JAKMIP1: variants seen among roughly 807,000 people sequenced by gnomAD.
The protein encoded by JAKMIP1 is janus kinase and microtubule-interacting protein 1.
Under a neutral mutation model 113.0 loss-of-function variants are expected in JAKMIP1, and 33 were observed. The ratio of observed to expected loss-of-function variants is 0.29; its 90% CI spans 0.22 to 0.39. JAKMIP1 has a LOEUF of 0.39. Among genes scored for constraint, JAKMIP1 ranks in the 10% least tolerant of loss-of-function variants. The probability of loss-of-function intolerance (pLI) is 1.00; values close to 1 mark genes in which losing one functional copy is unlikely to be tolerated. For synonymous variants in JAKMIP1, 480 were observed against 459.9 expected (o/e 1.04, Z -0.56); for missense variants, 813 against 1,080.5 (o/e 0.75, Z 3.47).
intron 1 of JAKMIP1, among the ~76,000 whole-genome samples, chr4:6,160,890 A>G (rs1254228225): frequency 8.8e-6 from 1 of 113,138 alleles, no homozygotes; most frequent in Admixed American, 8.6e-5. Flanking sequence ...CCACTCGCCT[A>G]CCCTGACCTC....
At position 6,047,137 on chromosome 4, in the gene JAKMIP1, T is replaced by C. The variant is rs573444857; in HGVS notation, c.2028+1720A>G. Among the ~76,000 whole-genome samples the C allele has an allele frequency of 3.7e-4, 56 of 152,286 alleles. No homozygotes were observed. The South Asian group carries it at 0.01, about 28-fold the overall frequency. ...CTCAGTGTCATGGCTGAGAGAGATG[T>C]GGTGAGAAACCGGCTGAAACCCCTG... On this transcript the variant is annotated intron_variant, in intron 16 of 20. Transcript: ENST00000409021.
intron 1 of JAKMIP1, among the ~76,000 whole-genome samples, chr4:6,148,115 G>C (rs1721079993): frequency 1.3e-5 from 2 of 152,190 alleles, no homozygotes; most frequent in African/African-American, 4.8e-5. Context: ...AATTAGGCCT[G>C]ATCTCCACTG....
rs1431206985 is a variant in JAKMIP1, at chr4:6,042,063, A to C, written c.2097+96T>G. On this transcript the variant is annotated intron_variant, in intron 17 of 20. Transcript: ENST00000409021. This position sits in a 1 kb window ranked among gnomAD's most constrained non-coding sequence, Gnocchi z 5.2. ...AAAGCAAAATTGAGAAATGCATGCA[A>C]ATCATTAGGAAAACACATGCAAAGC... The C allele has an allele frequency of 5.0e-6, 5 of 1,005,146 alleles. No homozygotes were observed. The highest frequency in any genetic ancestry group is 2.4e-5 in the East Asian group (1 of 41,560). 62.3% of individuals were successfully genotyped at this position (1,005,146 alleles called of 1,614,324 possible).
In JAKMIP1 at chr4:6,042,210, C is replaced by A. The variant is rs972104310; in HGVS notation, c.2046G>T (p.Glu682Asp). Residue 682 changes from glutamate (E) to aspartate (D), a missense_variant, in exon 17 of 21, where the codon GAG becomes GAT. Physicochemically the swap from Glu to Asp is conservative, Grantham distance 45. Transcript: ENST00000409021. This position sits in a 1 kb window ranked among gnomAD's most constrained non-coding sequence, Gnocchi z 5.2. Reference sequence around the variant, plus strand: ...TCTGGGTCAGGGCGGCCTCGGTCCCCTCTATTTGCTTCAGCCACTAGAAAA... The same window carrying A: ...TCTGGGTCAGGGCGGCCTCGGTCCCATCTATTTGCTTCAGCCACTAGAAAA... The part of the protein sequence containing the change: ...ALCEKWLKQI[E>D]GTEAALTQKM... The A allele has an allele frequency of 3.7e-6, 6 of 1,613,882 alleles. 1 individual carries two copies. The highest frequency in any genetic ancestry group is 1.6e-4 in the Middle Eastern group (1 of 6,062).
rs180958124 is a variant in JAKMIP1, at chr4:6,050,877, A to G, written c.1807-198T>C. On this transcript the variant is annotated intron_variant, in intron 13 of 20. Transcript: ENST00000409021. The surrounding 1 kb of genome is among the most constrained non-coding windows in gnomAD (Gnocchi z 7.4). ...TCCCACGCAGCAGTTCTCCATGGAA[A>G]TGTGTTTACTTCTTCCCTATTCATC... Among the ~76,000 whole-genome samples, 21 of 152,320 alleles carry G rather than the reference A, an allele frequency of 1.4e-4. No homozygotes were observed. In the East Asian group the frequency reaches 4.1e-3, roughly 29 times the overall value.
intron 1 of JAKMIP1, among the ~76,000 whole-genome samples, chr4:6,165,726 T>G (rs1176318783): frequency 4.6e-5 from 7 of 152,228 alleles, no homozygotes. Context: ...AAAATTCATG[T>G]GACTCGCTTT....
At chr4:6,114,788 G>A (rs1715495011) in intron 1 of JAKMIP1, among the ~76,000 whole-genome samples, 1 of 152,220 alleles carries the variant, frequency 6.6e-6, no homozygotes, top group Non-Finnish European at 1.5e-5. Context: ...CACCTCGGCT[G>A]ACCTGCCGCT....
At chr4:6,046,582 G>A (rs559749475) in intron 16 of JAKMIP1, among the ~76,000 whole-genome samples, 9 of 151,984 alleles carry the variant, frequency 5.9e-5, no homozygotes, top group Admixed American at 1.3e-4. Context: ...GCAGGCGGGC[G>A]GCAGTGGGGG....
intron 1 of JAKMIP1, among the ~76,000 whole-genome samples, chr4:6,133,944 C>T (rs1001140575): frequency 2.6e-5 from 4 of 152,188 alleles, no homozygotes; most frequent in African/African-American, 9.7e-5. Flanking sequence ...ATCCCTGAAT[C>T]ACCCACTGGA....
intron 18 of JAKMIP1, 95 bp from the exon 19 acceptor site, chr4:6,036,202 G>A: frequency 9.9e-7 from 1 of 1,012,490 alleles, no homozygotes; most frequent in East Asian, 2.6e-5. Context: ...AGCCAGGGAG[G>A]GGGGTTTCGG....
At chr4:6,127,856 G>GC (rs1717930889) in intron 1 of JAKMIP1, among the ~76,000 whole-genome samples, 1 of 152,162 alleles carries the variant, frequency 6.6e-6, no homozygotes, top group African/African-American at 2.4e-5. Context: ...AAAAACTGAC[G>GC]CCCGTCTAAC....
intron 19 of JAKMIP1, among the ~76,000 whole-genome samples, chr4:6,029,992 G>A (rs1161436054): frequency 2.0e-5 from 3 of 152,076 alleles, no homozygotes; most frequent in Admixed American, 6.5e-5. Flanking sequence ...TTGGTCCCCC[G>A]GCTCAATTCC....
chr4:6,193,559 C>T lies in JAKMIP1; in HGVS notation c.-148+6694G>A, dbSNP rs769884462. 5.3e-5 allele frequency among the ~76,000 whole-genome samples: 8 copies of T among 152,160 alleles called. No homozygotes were observed. Among genetic ancestry groups the T allele is most frequent in the Admixed American group, 2.0e-4 (3 of 15,274 alleles). On this transcript the variant is annotated intron_variant, in intron 1 of 20. Transcript: ENST00000409021. This position sits in a 1 kb window ranked among gnomAD's most constrained non-coding sequence, Gnocchi z 6.4. ...CAAGAATCCAGCATGTTTCTGCAAC[C>T]GAAAGAAAGGCAGCCAGGGCTCCCT...
rs1191358910 is a variant in JAKMIP1 at position 6,102,722 on chromosome 4, C to CTTTTTTTT, written c.624+2743_624+2750dup. Among the ~76,000 whole-genome samples the CTTTTTTTT allele has an allele frequency of 3.3e-3, 166 of 50,844 alleles. 29 individuals are homozygous for CTTTTTTTT. Among genetic ancestry groups the CTTTTTTTT allele is most frequent in the African/African-American group, 9.7e-3 (114 of 11,694 alleles). The allele number at this position is 50,844 out of a possible 152,430, so 33.4% of individuals were successfully genotyped here. The stretch of plus-strand genomic sequence containing the variant: ...TCCCTTTTTTCTCCCTCTCTAAAGA[C>CTTTTTTTT]TTTTTTTTTTTTTTTTTTTTTTTTT... On this transcript the variant is annotated intron_variant, in intron 3 of 20. Coordinates refer to ENST00000409021, the MANE Select transcript of JAKMIP1 (RefSeq NM_001099433.2).
chr4:6,085,406 C>T lies in JAKMIP1; in HGVS notation c.834+14G>A, dbSNP rs781141960. ...GGGACCAGCCTGAGGCTGGCACAAGCTGCTGCCCCTCACCTGGACGCCCAT... is the reference window on the plus strand; with the variant it reads ...GGGACCAGCCTGAGGCTGGCACAAGTTGCTGCCCCTCACCTGGACGCCCAT... On this transcript the variant is annotated intron_variant, in intron 4 of 20. Transcript: ENST00000409021. The T allele has an allele frequency of 1.9e-6, 3 of 1,609,904 alleles. No homozygotes were observed. The highest frequency in any genetic ancestry group is 4.5e-5 in the East Asian group (2 of 44,844).
In JAKMIP1 at chr4:6,140,082, A is replaced by G. The variant is rs560695537; in HGVS notation, c.-147-27085T>C. Among the ~76,000 whole-genome samples the G allele has an allele frequency of 6.6e-6, 1 of 152,088 alleles. No homozygotes were observed. Among genetic ancestry groups the G allele is most frequent in the Non-Finnish European group, 1.5e-5 (1 of 68,026 alleles). ...GCGGCCCTAGGAAACGAATATATTTATTAGATGGATTGAGATGTACTGAGA... is the reference window on the plus strand; with the variant it reads ...GCGGCCCTAGGAAACGAATATATTTGTTAGATGGATTGAGATGTACTGAGA... On this transcript the variant is annotated intron_variant, in intron 1 of 20. Coordinates refer to ENST00000409021, the MANE Select transcript of JAKMIP1 (RefSeq NM_001099433.2). This position sits in a 1 kb window ranked among gnomAD's most constrained non-coding sequence, Gnocchi z 9.4.
chr4:6,145,337 C>T lies in JAKMIP1; in HGVS notation c.-147-32340G>A, dbSNP rs1671712493. Among the ~76,000 whole-genome samples, 3 of 152,140 alleles carry T rather than the reference C, an allele frequency of 2.0e-5. No homozygotes were observed. The South Asian group carries it at 6.2e-4, about 32-fold the overall frequency. ...CCTCTGGGGTGAAGAGGTAAAGTAA[C>T]CTGCCCAAGTCACAGAGCTGATTAG... On this transcript the variant is annotated intron_variant, in intron 1 of 20. Transcript: ENST00000409021.
chr4:6,122,695 G>A (rs778111463), intron 1 of JAKMIP1, among the ~76,000 whole-genome samples: 14 of 152,172 alleles, frequency 9.2e-5, no homozygotes, highest in Non-Finnish European at 1.8e-4. Flanking sequence ...CTGTTGTTTC[G>A]TCAGCTGCAA....
intron 13 of JAKMIP1, among the ~76,000 whole-genome samples, chr4:6,052,971 C>G (rs956247062): frequency 6.6e-6 from 1 of 152,138 alleles, no homozygotes; most frequent in African/African-American, 2.4e-5. Flanking sequence ...CTAATGCAGA[C>G]AGAATTGTAA....
Sources: allele counts gnomAD v4.1 joint callset (sites outside exome capture counted in the v4.1 genomes callset), GRCh38; gene constraint gnomAD v4.1.1; non-coding constraint Gnocchi (gnomAD v3.1); transcripts MANE v1.5; gene names NCBI Gene and HGNC (gene_info 2026-07-23, HGNC 2026-07-21).